Variants in SPECC1 observed in about 807,000 individuals in gnomAD.
SPECC1 encodes the protein sperm antigen with calponin homology and coiled-coil domains 1.
A neutral mutation model predicts 104.1 loss-of-function variants in SPECC1; 62 were observed. That is an observed-to-expected ratio of 0.60 (90% confidence interval 0.49 to 0.74). The LOEUF (loss-of-function observed/expected upper bound fraction) is 0.74. Ranked by LOEUF, SPECC1 falls within the 30% of genes least tolerant of loss-of-function variation. The probability of loss-of-function intolerance (pLI) is 0.00; values close to 1 mark genes in which losing one functional copy is unlikely to be tolerated. For missense variants in SPECC1, 1,306 were observed against 1,310.5 expected (o/e 1.00, Z 0.05); for synonymous variants, 513 against 501.6 (o/e 1.02, Z -0.30).
intron 1 of SPECC1, among the ~76,000 whole-genome samples, chr17:20,032,968 ATT>A (rs776295689): frequency 2.2e-3 from 311 of 141,882 alleles, no homozygotes; most frequent in African/African-American, 7.7e-3. Flanking sequence ...ATATATGTAT[ATT>A]TTTTTTTTTT....
intron 3 of SPECC1, among the ~76,000 whole-genome samples, chr17:20,124,467 C>T (rs1266424818): frequency 6.6e-6 from 1 of 152,022 alleles, no homozygotes; most frequent in Non-Finnish European, 1.5e-5. Context: ...AAGGGAGGGG[C>T]CTGGGGCAGG....
intron 12 of SPECC1, among the ~76,000 whole-genome samples, chr17:20,289,977 A>G (rs1383125933): frequency 1.3e-5 from 2 of 152,014 alleles, no homozygotes; most frequent in African/African-American, 4.8e-5. Flanking sequence ...TGTCTACCTG[A>G]CTAGATTTGG....
chr17:20,193,444 G>A (rs926760785), intron 3 of SPECC1, among the ~76,000 whole-genome samples: 11 of 152,110 alleles, frequency 7.2e-5, no homozygotes, highest in African/African-American at 2.7e-4. Flanking sequence ...ATAAGAGAAC[G>A]CTTAATCCTA....
In SPECC1 at chr17:20,205,662, A is replaced by AAC; in HGVS notation, c.1614_1615insCA (p.Glu539GlnfsTer10). ...AATAACATGATGGCCAAAACTTTGG[A>AAC]AGAGTGTAGAGTTACCTTGGAAGGG... On this transcript the variant is annotated frameshift_variant, in exon 4 of 15. Transcript: ENST00000395527. LOFTEE classifies it high-confidence loss of function. 1 of 1,614,218 alleles carries AAC rather than the reference A, an allele frequency of 6.2e-7. No homozygotes were observed. The highest frequency in any genetic ancestry group is 8.5e-7 in the Non-Finnish European group (1 of 1,180,034).
chr17:20,119,212 T>C (rs1293960568), intron 3 of SPECC1, among the ~76,000 whole-genome samples: 1 of 152,206 alleles, frequency 6.6e-6, no homozygotes, highest in Non-Finnish European at 1.5e-5. Flanking sequence ...ATTTGAAAAT[T>C]ACATTTTGTT....
chr17:20,016,685 C>G (rs1009736443), intron 1 of SPECC1, among the ~76,000 whole-genome samples: 24 of 152,228 alleles, frequency 1.6e-4, no homozygotes, highest in Non-Finnish European at 2.6e-4. Context: ...TCATGACCTG[C>G]GGCCCGCCAT....
intron 12 of SPECC1, among the ~76,000 whole-genome samples, chr17:20,295,239 T>C (rs1189746330): frequency 1.4e-5 from 2 of 146,706 alleles, no homozygotes; most frequent in African/African-American, 5.1e-5. Flanking sequence ...TCTCATTGTT[T>C]AGTTCCCACC....
At chr17:20,086,929 T>G (rs1023285934) in intron 1 of SPECC1, 1 of 152,208 alleles carries the variant, frequency 6.6e-6, no homozygotes, top group African/African-American at 2.4e-5. Flanking sequence ...GCAACAGAAC[T>G]GGCCTGCCTG....
chr17:20,062,212 C>T (rs913413861), intron 1 of SPECC1, among the ~76,000 whole-genome samples: 4 of 149,648 alleles, frequency 2.7e-5, no homozygotes, highest in African/African-American at 9.9e-5. Context: ...GAGATCACGC[C>T]ACTGCACTCC....
At chr17:20,140,296 A>G (rs1023903375) in intron 3 of SPECC1, among the ~76,000 whole-genome samples, 1 of 152,174 alleles carries the variant, frequency 6.6e-6, no homozygotes, top group Non-Finnish European at 1.5e-5. Flanking sequence ...ACATCTTTCC[A>G]TTCTTATATC....
chr17:20,152,767 G>A (rs575179754), intron 3 of SPECC1, among the ~76,000 whole-genome samples: 1 of 152,160 alleles, frequency 6.6e-6, no homozygotes, highest in Non-Finnish European at 1.5e-5. Context: ...TGCCTCCCGG[G>A]TTCAAGCGAT....
intron 3 of SPECC1, among the ~76,000 whole-genome samples, chr17:20,165,815 C>G (rs1321040566): frequency 6.6e-6 from 1 of 152,024 alleles, no homozygotes; most frequent in African/African-American, 2.4e-5. Context: ...AACTATTTTT[C>G]ATACGTTTGT....
chr17:20,065,406 A>G (rs1007310523), intron 1 of SPECC1, among the ~76,000 whole-genome samples: 1 of 152,128 alleles, frequency 6.6e-6, no homozygotes, highest in African/African-American at 2.4e-5. Context: ...TCTGGGTTCA[A>G]CTAATTTGCT....
At chr17:20,030,933 C>T (rs532737948) in intron 1 of SPECC1, among the ~76,000 whole-genome samples, 1 of 152,212 alleles carries the variant, frequency 6.6e-6, no homozygotes, top group East Asian at 1.9e-4. Context: ...TCCTGCACAT[C>T]TTTCTCCTCC....
Position 20,297,309 on chromosome 17 carries a change from C to T in SPECC1, c.3057+232C>T, listed in dbSNP as rs547358109. ...TTCATGGTTTCAAGACCTTGGCCAG[C>T]ATTTTTCAAAGCCTATTCCAAAGAA... On this transcript the variant is annotated intron_variant, in intron 13 of 14. Transcript: ENST00000395527. Among the ~76,000 whole-genome samples the T allele has an allele frequency of 2.6e-4, 40 of 152,346 alleles. No homozygotes were observed. The South Asian group carries it at 8.1e-3, about 31-fold the overall frequency.
chr17:20,055,253 T>C (rs1368303572), intron 1 of SPECC1, among the ~76,000 whole-genome samples: 2 of 132,306 alleles, frequency 1.5e-5, no homozygotes, highest in East Asian at 2.0e-4. Context: ...TGTTGCATGT[T>C]ATAGAATTTC....
At chr17:20,311,485 G>A (rs1236285481) in intron 14 of SPECC1, among the ~76,000 whole-genome samples, 2 of 151,876 alleles carry the variant, frequency 1.3e-5, no homozygotes, top group Non-Finnish European at 2.9e-5. Context: ...CTGCCTCCTG[G>A]GTTCAAGTGA....
At chr17:20,082,990 G>GTTCA (rs2047039830) in intron 1 of SPECC1, among the ~76,000 whole-genome samples, 2 of 127,010 alleles carry the variant, frequency 1.6e-5, no homozygotes, top group African/African-American at 5.2e-5. Flanking sequence ...TCGTTCGTTC[G>GTTCA]TTCGTTCGTT....
intron 7 of SPECC1, chr17:20,239,227 A>G: frequency 3.9e-6 from 4 of 1,016,638 alleles, no homozygotes; most frequent in Non-Finnish European, 4.7e-6. Flanking sequence ...AATGTATTGG[A>G]TTTTTTCTTA....
Sources: allele counts gnomAD v4.1 joint callset (sites outside exome capture counted in the v4.1 genomes callset), GRCh38; gene constraint gnomAD v4.1.1; transcripts MANE v1.5; gene names NCBI Gene and HGNC (gene_info 2026-07-23, HGNC 2026-07-21).